The following GORASP2 variants were observed in gnomAD, a reference collection of about 807,000 sequenced individuals.
GORASP2 encodes the protein golgi reassembly stacking protein 2.
Under a neutral mutation model 45.7 loss-of-function variants are expected in GORASP2, and 22 were observed. The ratio of observed to expected loss-of-function variants is 0.48; its 90% CI spans 0.34 to 0.69. The LOEUF is 0.69. GORASP2 is among the 30% of genes least tolerant of loss of function. GORASP2 has a pLI of 0.01. For missense variants in GORASP2, 491 were observed against 562.7 expected, an observed-to-expected ratio of 0.87 and a Z score of 1.29; for synonymous variants, 221 against 215.6, an observed-to-expected ratio of 1.02 and a Z score of -0.22.
chr2:170,942,504 T>G (rs2557806), intron 1 of GORASP2, among the ~76,000 whole-genome samples: 4,952 of 152,260 alleles, frequency 0.033, 284 homozygotes, highest in African/African-American at 0.11. Context: ...CTAGCTTCTT[T>G]CACTTAGCAT....
chr2:170,930,692 A>G (rs1703801909), intron 1 of GORASP2, among the ~76,000 whole-genome samples: 1 of 152,090 alleles, frequency 6.6e-6, no homozygotes, highest in Non-Finnish European at 1.5e-5. Context: ...CTATAAATAA[A>G]CCGTATTATC....
intron 1 of GORASP2, chr2:170,936,675 C>G (rs546305771): frequency 1.6e-4 from 210 of 1,291,434 alleles, no homozygotes; most frequent in Non-Finnish European, 1.1e-5. Context: ...AAGCTTAAGC[C>G]GGGCATAATG....
chr2:170,965,841 C>G lies in GORASP2; in HGVS notation c.1070C>G (p.Pro357Arg), dbSNP rs1420650023. The change falls in exon 10 of 10, where the codon CCT (proline) becomes CGT (arginine). Residue 357 changes from proline to arginine, a missense_variant. Pro to Arg is a moderately radical substitution (Grantham distance 103). Transcript: ENST00000234160. Reference protein sequence around the residue: ...MPPRNLPGIAPLPLPSEFLPS... With the variant: ...MPPRNLPGIARLPLPSEFLPS... ...CCCCGAAACTTACCTGGCATTGCACCTCTCCCCCTGCCATCCGAGTTCCTC... is the reference window on the plus strand; with the variant it reads ...CCCCGAAACTTACCTGGCATTGCACGTCTCCCCCTGCCATCCGAGTTCCTC... 1 of 1,614,060 alleles carries G rather than the reference C, an allele frequency of 6.2e-7. No individual in the cohort carries two copies. Among genetic ancestry groups the G allele is most frequent in the Admixed American group, 1.7e-5 (1 of 60,012 alleles).
chr2:170,934,051 T>C (rs556643692), intron 1 of GORASP2, among the ~76,000 whole-genome samples: 13 of 152,296 alleles, frequency 8.5e-5, no homozygotes, highest in African/African-American at 3.1e-4. Flanking sequence ...ATATATTTTT[T>C]TCTATTTTGT....
At chr2:170,935,850 A>C (rs956354534) in intron 1 of GORASP2, among the ~76,000 whole-genome samples, 1 of 152,148 alleles carries the variant, frequency 6.6e-6, no homozygotes, top group African/African-American at 2.4e-5. Context: ...TGCTGGGGTT[A>C]CAGGCGTGAG....
chr2:170,946,797 T>TGTG (rs1353754761), intron 1 of GORASP2, among the ~76,000 whole-genome samples: 1 of 142,558 alleles, frequency 7.0e-6, no homozygotes, highest in Non-Finnish European at 1.5e-5. Context: ...AATTAGGCGG[T>TGTG]GTGGTGGTGG....
upstream of GORASP2, chr2:170,928,957 C>G: frequency 5.4e-6 from 1 of 183,738 alleles, no homozygotes; most frequent in Non-Finnish European, 1.1e-5. Flanking sequence ...AGTATGTGTT[C>G]TTTCAGGCGA....
chr2:170,939,637 A>G (rs1289363879), intron 1 of GORASP2, among the ~76,000 whole-genome samples: 1 of 152,168 alleles, frequency 6.6e-6, no homozygotes, highest in African/African-American at 2.4e-5. Context: ...AAGCTTTATG[A>G]TAAGTGTTTG....
At chr2:170,940,732 T>C (rs1704056365) in intron 1 of GORASP2, among the ~76,000 whole-genome samples, 1 of 151,904 alleles carries the variant, frequency 6.6e-6, no homozygotes, top group Non-Finnish European at 1.5e-5. Context: ...TTATTGTAGC[T>C]CAAGCCAAAA....
Position 170,949,599 on chromosome 2 carries a change from A to T in GORASP2, c.205A>T (p.Met69Leu). 6.2e-7 allele frequency: 1 copy of T among 1,613,972 alleles called. No individual in the cohort carries two copies. Among genetic ancestry groups the T allele is most frequent in the Non-Finnish European group, 8.5e-7 (1 of 1,179,794 alleles). The change falls in exon 3 of 10, where the codon ATG (methionine) becomes TTG (leucine). Residue 69 changes from methionine to leucine, a missense_variant. Transcript: ENST00000234160. ...AGCAAACGTTGAAAAGCCTGTAAAG[A>T]TGCTTATCTATAGCAGCAAAACATT... ...LKANVEKPVK[M>L]LIYSSKTLEL... is the part of the protein sequence containing the mutation.
intron 6 of GORASP2, 58 bp downstream of exon 6, chr2:170,954,840 G>A (rs1334152537): frequency 1.5e-6 from 2 of 1,370,338 alleles, no homozygotes; most frequent in Non-Finnish European, 2.1e-6. Flanking sequence ...CGAGTCACGT[G>A]TTTCAGTGCT....
intron 7 of GORASP2, among the ~76,000 whole-genome samples, chr2:170,957,532 T>C (rs931786613): frequency 1.3e-5 from 2 of 152,190 alleles, no homozygotes; most frequent in Non-Finnish European, 2.9e-5. Context: ...CTCCTCGGCC[T>C]TCCAAAGTGC....
chr2:170,963,432 ACTGCTGCTG>A (rs1186217335), intron 9 of GORASP2, among the ~76,000 whole-genome samples: 1 of 133,836 alleles, frequency 7.5e-6, no homozygotes, highest in Non-Finnish European at 1.6e-5. Context: ...CCCCGCTGCT[ACTGCTGCTG>A]CTGCTGCTGC....
rs1345313871 is a variant in GORASP2, at chr2:170,962,659, A to T, written c.911-180A>T. On this transcript the variant is annotated intron_variant, in intron 8 of 9. Transcript: ENST00000234160. ...TCTATCTAATCACTTAGGTAGATAA[A>T]TATATTTCAATTAAGTGAAATTTTG... 2.6e-5 allele frequency among the ~76,000 whole-genome samples: 4 copies of T among 152,214 alleles called. No homozygotes were observed. The East Asian group carries it at 7.7e-4, about 29-fold the overall frequency.
At position 170,929,284 on chromosome 2, in the gene GORASP2, G is replaced by A; in HGVS notation, c.-57G>A. The A allele has an allele frequency of 2.3e-6, 3 of 1,279,956 alleles. No individual in the cohort carries two copies. The highest frequency in any genetic ancestry group is 2.0e-5 in the South Asian group (1 of 49,788). 79.3% of individuals were successfully genotyped at this position (1,279,956 alleles called of 1,614,324 possible). On this transcript the variant is annotated 5_prime_UTR_variant, in exon 1 of 10. Coordinates refer to ENST00000234160, the MANE Select transcript of GORASP2 (RefSeq NM_015530.5). The stretch of plus-strand genomic sequence containing the variant: ...TACGCGGAGGATTAGAGCAGGCGGT[G>A]CGCTGGGGGCGGGAGCAGCGCGGAG...
At chr2:170,960,932 T>C (rs1392217301) in intron 7 of GORASP2, among the ~76,000 whole-genome samples, 3 of 152,176 alleles carry the variant, frequency 2.0e-5, no homozygotes, top group African/African-American at 7.2e-5. Context: ...TAAATGAAAA[T>C]GAGTGCTAAA....
chr2:170,939,235 CATTACAATTTTATTTTAA>C (rs1704020830), intron 1 of GORASP2, among the ~76,000 whole-genome samples: 3 of 152,054 alleles, frequency 2.0e-5, no homozygotes, highest in Admixed American at 2.0e-4. Context: ...TTTTAGTTGC[CATTACAATTTTATTTTAA>C]ATTGCTTGAA....
At chr2:170,942,551 T>C (rs1455734790) in intron 1 of GORASP2, among the ~76,000 whole-genome samples, 2 of 152,224 alleles carry the variant, frequency 1.3e-5, no homozygotes, top group East Asian at 3.8e-4. Flanking sequence ...TAGCGTGCAT[T>C]GGTACTTCAT....
chr2:170,961,373 C>T (rs1448837945), intron 7 of GORASP2, among the ~76,000 whole-genome samples: 1 of 152,160 alleles, frequency 6.6e-6, no homozygotes, highest in African/African-American at 2.4e-5. Flanking sequence ...CTAATCTAGC[C>T]CTGCTTGGGT....
Sources: gnomAD v4.1 joint callset for allele counts (sites outside exome capture counted in the v4.1 genomes callset) on GRCh38, gnomAD v4.1.1 for gene constraint, MANE v1.5 for transcripts, NCBI Gene and HGNC (gene_info 2026-07-23, HGNC 2026-07-21) for gene names.